Variants in SLC67A1 observed in about 807,000 individuals in gnomAD.
The protein encoded by SLC67A1 is solute carrier family 67 member A1.
the SLC67A1 span, among the ~76,000 whole-genome samples, chr11:2,913,919 C>A: frequency 1.8e-4 from 27 of 152,208 alleles, no homozygotes; most frequent in Admixed American, 1.5e-3. Context: ...CAACTCCACG[C>A]CCTGCTATCT....
the SLC67A1 span, chr11:2,908,189 C>A: frequency 7.3e-7 from 1 of 1,375,320 alleles, no homozygotes. Flanking sequence ...CTAGGCCCTG[C>A]AGTCTTTCCC....
chr11:2,922,577 G>A, the SLC67A1 span: 2 of 1,586,774 alleles, frequency 1.3e-6, no homozygotes, highest in Non-Finnish European at 1.7e-6. Context: ...CCAGCGAGTG[G>A]AGCAGCCTCC....
the SLC67A1 span, chr11:2,915,280 C>CGT: frequency 0.12 from 113,101 of 923,428 alleles, 3,947 homozygotes; most frequent in Non-Finnish European, 0.13. Flanking sequence ...CAAGTTTGCC[C>CGT]GTGTGTGTGT....
At chr11:2,922,880 G>C in the SLC67A1 span, among the ~76,000 whole-genome samples, 2 of 152,194 alleles carry the variant, frequency 1.3e-5, no homozygotes, top group East Asian at 3.9e-4. Context: ...CAGGCCTGGA[G>C]GCCCCGGGGA....
the SLC67A1 span, among the ~76,000 whole-genome samples, chr11:2,906,897 A>AAG: frequency 0.49 from 72,879 of 150,140 alleles, 18,675 homozygotes; most frequent in East Asian, 0.77. Flanking sequence ...GAAAAAAAAA[A>AAG]AGAGAAGCTC....
the SLC67A1 span, chr11:2,925,199 C>T: frequency 4.6e-5 from 74 of 1,611,610 alleles, no homozygotes; most frequent in African/African-American, 4.1e-4. The surrounding 1 kb of genome is among the most constrained non-coding windows in gnomAD (Gnocchi z 6.5). Flanking sequence ...GTCCGGTGAC[C>T]GCTGCCCAGA....
At chr11:2,908,339 T>G in the SLC67A1 span, 1 of 1,603,108 alleles carries the variant, frequency 6.2e-7, no homozygotes, top group Admixed American at 1.7e-5. Flanking sequence ...AGGTACAGTG[T>G]GTGTGTGTAC....
chr11:2,909,070 C>A, the SLC67A1 span: 1 of 880,840 alleles, frequency 1.1e-6, no homozygotes. Context: ...CGCCCAGGCG[C>A]CCCCGCCCTC....
chr11:2,916,791 T>C, the SLC67A1 span: 4 of 1,534,446 alleles, frequency 2.6e-6, no homozygotes, highest in Non-Finnish European at 3.6e-6. Flanking sequence ...ATGGAAGGCA[T>C]TGGCTAGGCC....
the SLC67A1 span, chr11:2,916,593 C>G: frequency 6.3e-7 from 1 of 1,577,252 alleles, no homozygotes; most frequent in Middle Eastern, 1.9e-4. Context: ...GGGACCCGCA[C>G]CCTGTGCAGC....
At chr11:2,909,530 G>A in the SLC67A1 span, 6 of 1,490,880 alleles carry the variant, frequency 4.0e-6, no homozygotes, top group East Asian at 1.0e-4. Context: ...GGGGGGAAGG[G>A]CCCCACCGAG....
the SLC67A1 span, among the ~76,000 whole-genome samples, chr11:2,907,826 C>T: frequency 6.6e-6 from 1 of 152,234 alleles, no homozygotes; most frequent in East Asian, 1.9e-4. The surrounding 1 kb of genome is among the most constrained non-coding windows in gnomAD (Gnocchi z 6.7). Context: ...CTGTGTCCTG[C>T]TGGGCAATGG....
the SLC67A1 span, among the ~76,000 whole-genome samples, chr11:2,911,573 C>T: frequency 6.6e-6 from 1 of 152,120 alleles, no homozygotes; most frequent in Non-Finnish European, 1.5e-5. Flanking sequence ...GCTGCCATCC[C>T]AGGGTGCTGC....
At chr11:2,924,094 C>T in the SLC67A1 span, among the ~76,000 whole-genome samples, 2 of 152,214 alleles carry the variant, frequency 1.3e-5, no homozygotes, top group East Asian at 1.9e-4. This position sits in a 1 kb window ranked among gnomAD's most constrained non-coding sequence, Gnocchi z 8.6. Flanking sequence ...GGGGTCCTCC[C>T]GCTTGGCGAG....
At chr11:2,913,494 A>G in the SLC67A1 span, among the ~76,000 whole-genome samples, 495 of 152,298 alleles carry the variant, frequency 3.3e-3, 2 homozygotes, top group African/African-American at 0.011. Context: ...AGGACTGGGA[A>G]GGGTCAGGCC....
At chr11:2,922,174 C>T in the SLC67A1 span, 1 of 1,613,648 alleles carries the variant, frequency 6.2e-7, no homozygotes, top group Non-Finnish European at 8.5e-7. Context: ...GGCCAGCGTG[C>T]TGGTCTTCAT....
chr11:2,910,166 C>G, the SLC67A1 span, among the ~76,000 whole-genome samples: 1 of 152,190 alleles, frequency 6.6e-6, no homozygotes, highest in African/African-American at 2.4e-5. Flanking sequence ...CGAACGTTCT[C>G]CCAGCATTTT....
chr11:2,922,819 C>G, the SLC67A1 span, among the ~76,000 whole-genome samples: 1 of 152,106 alleles, frequency 6.6e-6, no homozygotes, highest in Non-Finnish European at 1.5e-5. Flanking sequence ...GGGGGCTGCC[C>G]GCAGGTGGCA....
the SLC67A1 span, chr11:2,919,368 A>C: frequency 6.2e-7 from 1 of 1,613,780 alleles, no homozygotes; most frequent in African/African-American, 1.3e-5. Context: ...AGGCCGCCCA[A>C]GCTGGCTACC....
Sources: allele counts gnomAD v4.1 joint callset (sites outside exome capture counted in the v4.1 genomes callset), GRCh38; gene constraint gnomAD v4.1.1; non-coding constraint Gnocchi (gnomAD v3.1); transcripts MANE v1.5; gene names NCBI Gene and HGNC (gene_info 2026-07-23, HGNC 2026-07-21).